The following FRMPD3 variants were observed in gnomAD, a reference collection of about 807,000 sequenced individuals.
FRMPD3 encodes FERM and PDZ domain-containing protein 3.
A neutral mutation model predicts 97.9 loss-of-function variants in FRMPD3; 42 were observed. The ratio of observed to expected loss-of-function variants is 0.43; its 90% CI spans 0.34 to 0.55. The LOEUF (loss-of-function observed/expected upper bound fraction) is 0.55, where lower values mean the gene tolerates loss of function less well. Ranked by LOEUF, FRMPD3 falls within the 20% of genes least tolerant of loss-of-function variation. FRMPD3 has a pLI of 0.03. For missense variants in FRMPD3, 1,303 were observed against 1,457.7 expected, an observed-to-expected ratio of 0.89 and a Z score of 1.73; for synonymous variants, 577 against 581.1, an observed-to-expected ratio of 0.99 and a Z score of 0.10.
chrX:107,508,204 A>C (rs187610227), intron 1 of FRMPD3, among the ~76,000 whole-genome samples: 208 of 112,067 alleles, frequency 1.9e-3, no homozygotes, highest in African/African-American at 6.5e-3. Flanking sequence ...ATTTGGCTTT[A>C]ATGAAATAGT....
rs779911678 is a variant in FRMPD3, at chrX:107,602,886, C to A, written c.4847C>A (p.Ala1616Asp). 1 of 1,210,897 alleles carries A rather than the reference C, an allele frequency of 8.3e-7. No individual in the cohort carries two copies. The highest frequency in any genetic ancestry group is 2.2e-5 in the Admixed American group (1 of 46,105). The change falls in exon 15 of 15, where the codon GCC (alanine) becomes GAC (aspartate). Residue 1616 changes from alanine to aspartate, a missense_variant. Transcript: ENST00000683843. The stretch of plus-strand genomic sequence containing the variant: ...TGTGTGGCCAGCCCCGAGGCCCGTG[C>A]CCCCAAGCCCTATGTGTCTCAGATC... ...RQCVASPEAR[A>D]PKPYVSQISE... is the part of the protein sequence containing the mutation.
chrX:107,550,292 T>C (rs1403687339), intron 6 of FRMPD3, 136 bp downstream of exon 6: 5 of 468,489 alleles, frequency 1.1e-5, no homozygotes, highest in Non-Finnish European at 1.9e-5. Context: ...GGATGCTTGT[T>C]AGCACAAGGC....
rs1360667182 is a variant in FRMPD3, at chrX:107,589,670, GTCC to G, written c.1442-7646_1442-7644del. Among the ~76,000 whole-genome samples, 20 of 112,033 alleles carry G rather than the reference GTCC, an allele frequency of 1.8e-4. No homozygotes were observed. The South Asian group carries it at 7.4e-3, about 42-fold the overall frequency. On this transcript the variant is annotated intron_variant, in intron 13 of 14. Transcript: ENST00000683843. The stretch of plus-strand genomic sequence containing the variant: ...TAGTCAGCCATCTTGACCCTGCGCT[GTCC>G]TCCTTTTTAAATTCATAACTAGTTA...
At chrX:107,488,737 T>C (rs1422729298) in intron 1 of FRMPD3, among the ~76,000 whole-genome samples, 2 of 111,114 alleles carry the variant, frequency 1.8e-5, no homozygotes, top group African/African-American at 6.5e-5. Context: ...ACTCCTCTTC[T>C]TGAACTAAAA....
chrX:107,462,327 A>G (rs1014236514), intron 1 of FRMPD3, among the ~76,000 whole-genome samples: 1 of 111,678 alleles, frequency 9.0e-6, no homozygotes, highest in African/African-American at 3.3e-5. Context: ...TCTTTCATCA[A>G]GGTATCCTCC....
Position 107,573,324 on chromosome X carries a change from C to T in FRMPD3, c.1297-2991C>T, listed in dbSNP as rs148498502. The stretch of plus-strand genomic sequence containing the variant: ...GCAAGCCTAGTGAGTCTTGGGCCCT[C>T]GTGGTAGCCGCCATTTACACTCAAA... On this transcript the variant is annotated intron_variant, in intron 12 of 14. Transcript: ENST00000683843. Among the ~76,000 whole-genome samples, 781 of 111,320 alleles carry T rather than the reference C, an allele frequency of 7.0e-3. 8 individuals carry two copies. The highest frequency in any genetic ancestry group is 0.024 in the African/African-American group (731 of 30,569).
At chrX:107,520,761 G>A (rs1361339085) in intron 1 of FRMPD3, among the ~76,000 whole-genome samples, 4 of 112,135 alleles carry the variant, frequency 3.6e-5, no homozygotes, top group African/African-American at 6.5e-5. Context: ...TTCACATTTT[G>A]GTGCCACACA....
intron 4 of FRMPD3, among the ~76,000 whole-genome samples, chrX:107,544,086 C>A (rs1484538963): frequency 3.6e-5 from 4 of 111,208 alleles, no homozygotes; most frequent in African/African-American, 1.3e-4. Context: ...CATGGATGAA[C>A]TTGGAAGACA....
chrX:107,582,686 G>T (rs1376477877), intron 13 of FRMPD3, among the ~76,000 whole-genome samples: 1 of 112,232 alleles, frequency 8.9e-6, no homozygotes, highest in Non-Finnish European at 1.9e-5. Flanking sequence ...AATGTGAGAG[G>T]TTATTTGTGA....
intron 13 of FRMPD3, among the ~76,000 whole-genome samples, chrX:107,585,701 T>G (rs780019222): frequency 1.8e-5 from 2 of 112,261 alleles, no homozygotes; most frequent in African/African-American, 6.5e-5. Context: ...GAGATAATCA[T>G]GTGTTTTTTT....
In FRMPD3 at chrX:107,601,222, C is replaced by T; in HGVS notation, c.3183C>T (p.Pro1061=). The T allele has an allele frequency of 8.3e-7, 1 of 1,208,631 alleles. No homozygotes were observed. Among genetic ancestry groups the T allele is most frequent in the South Asian group, 1.8e-5 (1 of 56,592 alleles). The change falls in exon 15 of 15, where the codon CCC becomes CCT. Residue 1061 remains proline, a synonymous_variant. Coordinates refer to ENST00000683843, the MANE Select transcript of FRMPD3 (RefSeq NM_001388459.1). ...EDSLPVQNFP[P]KSYLLRTSRE... is the part of the protein sequence containing the mutation. ...GTCTGCCTGTTCAAAATTTCCCTCCCAAAAGCTATCTTTTGCGAACAAGCC... is the reference window on the plus strand; with the variant it reads ...GTCTGCCTGTTCAAAATTTCCCTCCTAAAAGCTATCTTTTGCGAACAAGCC...
At chrX:107,499,474 A>G (rs1921852601) in intron 1 of FRMPD3, among the ~76,000 whole-genome samples, 1 of 112,132 alleles carries the variant, frequency 8.9e-6, no homozygotes, top group African/African-American at 3.2e-5. Context: ...AAAAGCATCC[A>G]TAATATTCCT....
chrX:107,605,029 G>T lies in FRMPD3; in HGVS notation c.*1656G>T, dbSNP rs1924768224. 9.1e-6 allele frequency: 1 copy of T among 110,249 alleles called. No homozygotes were observed. The highest frequency in any genetic ancestry group is 3.3e-5 in the African/African-American group (1 of 30,241). The allele number at this position is 110,249 out of a possible 1,213,427, so 9.1% of individuals were successfully genotyped here. ...TTCCCCTCAGCCACTGCAAGCTGGAGTGCTGATATGGTCTTCTTTTTCTCC... is the reference window on the plus strand; with the variant it reads ...TTCCCCTCAGCCACTGCAAGCTGGATTGCTGATATGGTCTTCTTTTTCTCC... On this transcript the variant is annotated 3_prime_UTR_variant, in exon 15 of 15. Coordinates refer to ENST00000683843, the MANE Select transcript of FRMPD3 (RefSeq NM_001388459.1).
At chrX:107,562,382 G>T (rs1922409889) in intron 10 of FRMPD3, among the ~76,000 whole-genome samples, 2 of 112,302 alleles carry the variant, frequency 1.8e-5, no homozygotes, top group Non-Finnish European at 3.8e-5. Context: ...AAAGCAGGGA[G>T]CTGATGTGAT....
intron 1 of FRMPD3, among the ~76,000 whole-genome samples, chrX:107,470,135 T>C (rs778980656): frequency 6.0e-4 from 68 of 112,793 alleles, no homozygotes; most frequent in African/African-American, 2.1e-3. Flanking sequence ...CCATTGTCAA[T>C]TGGGATAAAG....
chrX:107,455,277 G>A (rs1025738493), intron 1 of FRMPD3, among the ~76,000 whole-genome samples: 1 of 112,243 alleles, frequency 8.9e-6, no homozygotes, highest in Non-Finnish European at 1.9e-5. Flanking sequence ...ATTTGGGGCT[G>A]GGTGTGGTGG....
At chrX:107,461,757 T>TTATACATATACA (rs761470965) in intron 1 of FRMPD3, among the ~76,000 whole-genome samples, 7,596 of 91,954 alleles carry the variant, frequency 0.083, 383 homozygotes, top group Middle Eastern at 0.11. Context: ...CTGGAATTCA[T>TTATACATATACA]TATACATATA....
chrX:107,507,377 G>A (rs764543775), intron 1 of FRMPD3, among the ~76,000 whole-genome samples: 170 of 111,248 alleles, frequency 1.5e-3, no homozygotes, highest in African/African-American at 5.0e-3. Context: ...CGGGGTGCGG[G>A]GGATCGGGGA....
In FRMPD3 at chrX:107,475,953, G is replaced by A. The variant is rs1602753863; in HGVS notation, c.-8+25948G>A. 5.4e-5 allele frequency among the ~76,000 whole-genome samples: 6 copies of A among 111,939 alleles called. No individual in the cohort carries two copies. The East Asian group carries it at 1.4e-3, about 26-fold the overall frequency. On this transcript the variant is annotated intron_variant, in intron 1 of 14. Transcript: ENST00000683843. ...GGCTGGAGTGCAGTGGCACAATCTCGGCTCACTGTAACCTCCGCCTCCTGG... is the reference window on the plus strand; with the variant it reads ...GGCTGGAGTGCAGTGGCACAATCTCAGCTCACTGTAACCTCCGCCTCCTGG...
Sources: gnomAD v4.1 joint callset for allele counts (sites outside exome capture counted in the v4.1 genomes callset) on GRCh38, gnomAD v4.1.1 for gene constraint, MANE v1.5 for transcripts, NCBI Gene and HGNC (gene_info 2026-07-23, HGNC 2026-07-21) for gene names.